The following PLEKHH2 variants were observed in gnomAD, a reference collection of about 807,000 sequenced individuals.
PLEKHH2 encodes the protein pleckstrin homology domain-containing family H member 2.
In PLEKHH2, 129 loss-of-function variants were observed where a neutral mutation model predicts 187.9. The observed-to-expected ratio is 0.69, with a 90% CI of 0.59 to 0.79. The LOEUF (loss-of-function observed/expected upper bound fraction) is 0.79. Among genes scored for constraint, PLEKHH2 ranks in the 30% least tolerant of loss-of-function variants. The probability of loss-of-function intolerance (pLI) is 0.00; values close to 1 mark genes in which losing one functional copy is unlikely to be tolerated. For missense variants in PLEKHH2, 2,076 were observed against 1,751.2 expected (o/e 1.19, Z -3.31); for synonymous variants, 686 against 605.6 (o/e 1.13, Z -1.95).
chr2:43,700,658 A>G lies in PLEKHH2; in HGVS notation c.1650+50A>G. 6 of 1,532,624 alleles carry G rather than the reference A, an allele frequency of 3.9e-6. No individual in the cohort carries two copies. In the South Asian group the frequency reaches 5.0e-5, roughly 13 times the overall value. The allele number at this position is 1,532,624 out of a possible 1,614,324, so 94.9% of individuals were successfully genotyped here. Reference sequence around the variant, plus strand: ...CATACGCAGTAGTTTTTTTCTCAACACTTTTTTTTTCTGGGAGGGAGTCTC... The same window carrying G: ...CATACGCAGTAGTTTTTTTCTCAACGCTTTTTTTTTCTGGGAGGGAGTCTC... On this transcript the variant is annotated intron_variant, in intron 8 of 29. Transcript: ENST00000282406.
At chr2:43,765,054 A>T (rs1672570192) in intron 29 of PLEKHH2, among the ~76,000 whole-genome samples, 1 of 152,244 alleles carries the variant, frequency 6.6e-6, no homozygotes, top group African/African-American at 2.4e-5. Flanking sequence ...CAGGGAGCTC[A>T]GTCTTTAGTG....
chr2:43,685,970 ATG>A (rs1406307508), intron 3 of PLEKHH2, among the ~76,000 whole-genome samples: 1 of 152,162 alleles, frequency 6.6e-6, no homozygotes, highest in Non-Finnish European at 1.5e-5. Context: ...CTATAAAAGT[ATG>A]TGTCTTTTTA....
At chr2:43,642,814 T>A (rs1422298390) in intron 1 of PLEKHH2, among the ~76,000 whole-genome samples, 1 of 152,176 alleles carries the variant, frequency 6.6e-6, no homozygotes, top group Non-Finnish European at 1.5e-5. Flanking sequence ...TTTTTAAAAC[T>A]GTGGACATTT....
intron 15 of PLEKHH2, among the ~76,000 whole-genome samples, chr2:43,715,777 G>A (rs1670182266): frequency 6.6e-6 from 1 of 152,178 alleles, no homozygotes; most frequent in African/African-American, 2.4e-5. Context: ...GAGCTGGTAG[G>A]ATGTCTTAGT....
intron 4 of PLEKHH2, 57 bp downstream of exon 4, chr2:43,692,720 C>T (rs1668871284): frequency 1.3e-6 from 2 of 1,528,118 alleles, no homozygotes; most frequent in African/African-American, 2.8e-5. Context: ...TGCATAATCA[C>T]AAAGATTAAA....
At chr2:43,680,672 C>G in intron 3 of PLEKHH2, 1 of 371,666 alleles carries the variant, frequency 2.7e-6, no homozygotes, top group Non-Finnish European at 5.2e-6. Context: ...GTTTGGCTTT[C>G]TGGCTGCTCA....
intron 1 of PLEKHH2, among the ~76,000 whole-genome samples, chr2:43,640,041 A>G (rs78357872): frequency 0.012 from 1,825 of 152,198 alleles, 36 homozygotes; most frequent in Non-Finnish European, 0.021. Flanking sequence ...GTTGCTCTGA[A>G]CATTTATTTA....
chr2:43,757,063 T>C (rs1672239005), intron 25 of PLEKHH2, 56 bp from the exon 26 acceptor site: 1 of 1,342,384 alleles, frequency 7.4e-7, no homozygotes, highest in Admixed American at 2.7e-5. Context: ...AACTAACTGA[T>C]TTTCTGTCTT....
rs77649744 is a variant in PLEKHH2 at position 43,759,006 on chromosome 2, G to T, written c.4048G>T (p.Gly1350Cys). The stretch of plus-strand genomic sequence containing the variant: ...AGTAGCCAGGAAGTGGCCATTCTTT[G>T]GTGCCAAGTTGTTTCTTGCAAAAGT... Reference protein sequence around the residue: ...LTVARKWPFFGAKLFLAKPIT... With the variant: ...LTVARKWPFFCAKLFLAKPIT... Residue 1350 changes from glycine to cysteine, a missense_variant, in exon 27 of 30, where the codon GGT becomes TGT. Transcript: ENST00000282406. 1 of 1,612,532 alleles carries T rather than the reference G, an allele frequency of 6.2e-7. No individual in the cohort carries two copies. Among genetic ancestry groups the T allele is most frequent in the East Asian group, 2.2e-5 (1 of 44,800 alleles).
chr2:43,644,941 GT>G, intron 2 of PLEKHH2, 145 bp downstream of exon 2: 2 of 924,242 alleles, frequency 2.2e-6, no homozygotes, highest in Non-Finnish European at 3.0e-6. Context: ...TTTTGCCAGT[GT>G]TAGGGTAGAT....
intron 10 of PLEKHH2, among the ~76,000 whole-genome samples, chr2:43,707,196 C>CAAAAAAAAAA (rs60819579): frequency 1.2e-3 from 107 of 88,172 alleles, no homozygotes; most frequent in African/African-American, 4.5e-3. Context: ...GACTCCACCT[C>CAAAAAAAAAA]AAAAAAAAAA....
At chr2:43,681,739 C>G (rs1373369698) in intron 3 of PLEKHH2, 3 of 480,700 alleles carry the variant, frequency 6.2e-6, no homozygotes, top group Non-Finnish European at 1.1e-5. Flanking sequence ...CCCAGACACC[C>G]CATTCAGTTT....
intron 25 of PLEKHH2, among the ~76,000 whole-genome samples, chr2:43,755,891 G>T (rs565322709): frequency 7.2e-5 from 11 of 152,230 alleles, no homozygotes; most frequent in African/African-American, 2.6e-4. Context: ...TTTTCTTAAG[G>T]GCTGAGCCTG....
In PLEKHH2 at chr2:43,706,396, G is replaced by C. The variant is rs1271302758; in HGVS notation, c.1801G>C (p.Val601Leu). ...GATATACAAGAACATGACCACCCCA[G>C]TGTATACAACTTTGAAGGGGGTAAC... ...SLIYKNMTTP[V>L]YTTLKGKATQ... The change falls in exon 10 of 30, where the codon GTG (valine) becomes CTG (leucine). Residue 601 changes from valine to leucine, a missense_variant. Val to Leu is a conservative substitution (Grantham distance 32). Coordinates refer to ENST00000282406, the MANE Select transcript of PLEKHH2 (RefSeq NM_172069.4). The C allele has an allele frequency of 1.3e-6, 2 of 1,596,952 alleles. No homozygotes were observed. Among genetic ancestry groups the C allele is most frequent in the East Asian group, 2.2e-5 (1 of 44,770 alleles).
chr2:43,687,289 T>C (rs933427775), intron 3 of PLEKHH2, among the ~76,000 whole-genome samples: 5 of 152,190 alleles, frequency 3.3e-5, no homozygotes, highest in Non-Finnish European at 7.3e-5. Flanking sequence ...GATAATGACC[T>C]CCAGTTGCAT....
chr2:43,725,177 A>G (rs1670681371), intron 16 of PLEKHH2, among the ~76,000 whole-genome samples: 2 of 152,142 alleles, frequency 1.3e-5, no homozygotes, highest in Non-Finnish European at 2.9e-5. Flanking sequence ...AGTTTTTTTT[A>G]TCAGCTCTGT....
intron 19 of PLEKHH2, among the ~76,000 whole-genome samples, chr2:43,736,564 G>A (rs1671303271): frequency 6.6e-6 from 1 of 152,128 alleles, no homozygotes; most frequent in Non-Finnish European, 1.5e-5. Context: ...ATCGGGCGCG[G>A]TGGCTCACCC....
chr2:43,649,246 C>T (rs1666352265), intron 2 of PLEKHH2, among the ~76,000 whole-genome samples: 1 of 152,082 alleles, frequency 6.6e-6, no homozygotes, highest in Non-Finnish European at 1.5e-5. Flanking sequence ...AAGTAGTTTT[C>T]CTACTTTACA....
chr2:43,731,900 A>G (rs565163294), intron 19 of PLEKHH2, among the ~76,000 whole-genome samples: 6 of 152,308 alleles, frequency 3.9e-5, no homozygotes, highest in African/African-American at 1.4e-4. Flanking sequence ...ACATCACACC[A>G]GGCACAGCAA....
Sources: gnomAD v4.1 joint callset for allele counts (sites outside exome capture counted in the v4.1 genomes callset) on GRCh38, gnomAD v4.1.1 for gene constraint, MANE v1.5 for transcripts, NCBI Gene and HGNC (gene_info 2026-07-23, HGNC 2026-07-21) for gene names.